The following ANKRD42 variants were observed in gnomAD, a reference collection of about 807,000 sequenced individuals.
The protein encoded by ANKRD42 is ankyrin repeat domain-containing protein 42.
A neutral mutation model predicts 51.5 loss-of-function variants in ANKRD42; 43 were observed. The ratio of observed to expected loss-of-function variants is 0.83; its 90% CI spans 0.65 to 1.08. The LOEUF (loss-of-function observed/expected upper bound fraction) is 1.08, where lower values mean the gene tolerates loss of function less well. Among genes scored for constraint, ANKRD42 ranks in the 50% least tolerant of loss-of-function variants. The probability of loss-of-function intolerance (pLI) is 0.00; values close to 1 mark genes in which losing one functional copy is unlikely to be tolerated. For missense variants in ANKRD42, 608 were observed against 629.3 expected (o/e 0.97, Z 0.36); for synonymous variants, 203 against 213.0 (o/e 0.95, Z 0.41).
At chr11:83,210,548 T>C (rs1862274370) in intron 4 of ANKRD42, 129 bp downstream of exon 4, 1 of 1,163,878 alleles carries the variant, frequency 8.6e-7, no homozygotes, top group Non-Finnish European at 1.2e-6. Context: ...TTAATTTTTC[T>C]CTCTAGCTTT....
At chr11:83,212,738 C>T (rs1043968116) in intron 5 of ANKRD42, 3 of 1,522,626 alleles carry the variant, frequency 2.0e-6, no homozygotes, top group African/African-American at 1.4e-5. Context: ...ACCTGCATGG[C>T]CTCATCTTTC....
At chr11:83,209,278 T>C in intron 3 of ANKRD42, 3 of 655,864 alleles carry the variant, frequency 4.6e-6, no homozygotes, top group Non-Finnish European at 8.4e-6. Flanking sequence ...ATCAATATTA[T>C]AAGTGTCTTC....
chr11:83,207,926 A>G (rs1862140191), intron 3 of ANKRD42, among the ~76,000 whole-genome samples: 1 of 152,254 alleles, frequency 6.6e-6, no homozygotes, highest in Admixed American at 6.5e-5. Context: ...AAAGTGCCTC[A>G]GTAATATAAT....
intron 10 of ANKRD42, among the ~76,000 whole-genome samples, chr11:83,247,205 T>A (rs1863567471): frequency 6.6e-6 from 1 of 151,972 alleles, no homozygotes; most frequent in South Asian, 2.1e-4. Flanking sequence ...TACCTCATGG[T>A]GGAAAAATTA....
Position 83,211,413 on chromosome 11 carries a change from A to G in ANKRD42, c.569A>G (p.Tyr190Cys). Residue 190 changes from tyrosine (Y) to cysteine (C), a missense_variant, in exon 5 of 11, where the codon TAC becomes TGC. Tyr to Cys is a radical substitution (Grantham distance 194). Coordinates refer to ENST00000533342, the MANE Select transcript of ANKRD42 (RefSeq NM_001300975.2). Reference sequence around the variant, plus strand: ...GGTTGTAGCATAGAAGATGTGGACTACAATGGAAACCTTCCAGGTATTTTA... The same window carrying G: ...GGTTGTAGCATAGAAGATGTGGACTGCAATGGAAACCTTCCAGGTATTTTA... ...KWGCSIEDVD[Y>C]NGNLPVHLAA... 2.5e-6 allele frequency: 4 copies of G among 1,614,154 alleles called. No homozygotes were observed. Among genetic ancestry groups the G allele is most frequent in the South Asian group, 1.1e-5 (1 of 91,052 alleles).
downstream of ANKRD42, chr11:83,260,296 T>A (rs1030566945): frequency 3.3e-5 from 5 of 152,234 alleles, no homozygotes; most frequent in African/African-American, 1.2e-4. Context: ...GGGACTAGCA[T>A]GCTGTTTGGC....
At chr11:83,234,074 T>C (rs1863159414) in intron 7 of ANKRD42, among the ~76,000 whole-genome samples, 5 of 152,244 alleles carry the variant, frequency 3.3e-5, no homozygotes, top group Admixed American at 3.3e-4. Flanking sequence ...TTGCTCTATC[T>C]CATAGGTTTT....
chr11:83,262,036 GTTATCT>G, downstream of ANKRD42: 1 of 1,092,380 alleles, frequency 9.2e-7, no homozygotes, highest in Non-Finnish European at 1.3e-6. Flanking sequence ...AGAGAATAAT[GTTATCT>G]TTAAGTGAAG....
chr11:83,198,855 A>G (rs1434556344), intron 2 of ANKRD42, among the ~76,000 whole-genome samples: 3 of 152,202 alleles, frequency 2.0e-5, no homozygotes. Context: ...ATTTATACTC[A>G]TGAACAAACC....
At chr11:83,205,960 C>A in intron 2 of ANKRD42, 98 bp from the exon 3 acceptor site, 1 of 950,690 alleles carries the variant, frequency 1.1e-6, no homozygotes, top group East Asian at 2.5e-5. Context: ...ATCTCTCATT[C>A]ACTACAGTCT....
intron 6 of ANKRD42, among the ~76,000 whole-genome samples, chr11:83,225,968 T>A (rs923877146): frequency 5.1e-4 from 78 of 152,242 alleles, no homozygotes; most frequent in African/African-American, 1.8e-3. Flanking sequence ...TTTCCCAGGC[T>A]GGTCTCAAAC....
intron 5 of ANKRD42, among the ~76,000 whole-genome samples, chr11:83,217,326 T>G (rs1212730804): frequency 6.6e-6 from 1 of 152,220 alleles, no homozygotes; most frequent in African/African-American, 2.4e-5. Flanking sequence ...ATGTAGATAA[T>G]AGCCCCAGCT....
chr11:83,194,044 A>C lies in ANKRD42; in HGVS notation c.-627A>C, dbSNP rs922565822. ...CAGTGACTTGAGAAGGGTCAGTGAA[A>C]ACCTCGGCCACTGCCGCAGCGTCTC... is the stretch of plus-strand genomic sequence containing the variant. On this transcript the variant is annotated 5_prime_UTR_variant, in exon 1 of 11. Coordinates refer to ENST00000533342, the MANE Select transcript of ANKRD42 (RefSeq NM_001300975.2). 3.3e-5 allele frequency: 15 copies of C among 456,410 alleles called. No individual in the cohort carries two copies. The highest frequency in any genetic ancestry group is 9.4e-5 in the Admixed American group (4 of 42,564). The allele number at this position is 456,410 out of a possible 1,614,324, so 28.3% of individuals were successfully genotyped here.
At chr11:83,240,573 G>A (rs1226650060) in intron 8 of ANKRD42, among the ~76,000 whole-genome samples, 186 bp from the exon 9 acceptor site, 1 of 152,198 alleles carries the variant, frequency 6.6e-6, no homozygotes, top group Admixed American at 6.5e-5. Flanking sequence ...GTAGTGCCAA[G>A]TAACTGAGTT....
intron 4 of ANKRD42, among the ~76,000 whole-genome samples, chr11:83,211,058 A>C (rs1182941490): frequency 1.3e-5 from 2 of 152,214 alleles, no homozygotes; most frequent in Non-Finnish European, 1.5e-5. Context: ...TAAGATGACT[A>C]GTTAAGTTCG....
chr11:83,261,467 A>G (rs1010306633), downstream of ANKRD42: 10 of 152,456 alleles, frequency 6.6e-5, no homozygotes, highest in African/African-American at 2.2e-4. Flanking sequence ...TTGTTGTAAT[A>G]ATCTTTCATT....
intron 1 of ANKRD42, 94 bp from the exon 2 acceptor site, chr11:83,198,385 A>G (rs1861740967): frequency 6.4e-6 from 8 of 1,258,192 alleles, no homozygotes; most frequent in Non-Finnish European, 7.6e-6. Context: ...GGAAAGCCAA[A>G]GTAATTTTGT....
At chr11:83,225,186 C>A in intron 6 of ANKRD42, 131 bp downstream of exon 6, 1 of 703,636 alleles carries the variant, frequency 1.4e-6, no homozygotes, top group Non-Finnish European at 2.2e-6. Context: ...AAAATATAAA[C>A]ATGTTTAATA....
chr11:83,219,988 C>A (rs1346987260), intron 5 of ANKRD42, among the ~76,000 whole-genome samples: 2 of 152,156 alleles, frequency 1.3e-5, no homozygotes, highest in Non-Finnish European at 2.9e-5. Flanking sequence ...GTGGGAATAA[C>A]CTTGCTTGCA....
Sources: gnomAD v4.1 joint callset for allele counts (sites outside exome capture counted in the v4.1 genomes callset) on GRCh38, gnomAD v4.1.1 for gene constraint, MANE v1.5 for transcripts, NCBI Gene and HGNC (gene_info 2026-07-23, HGNC 2026-07-21) for gene names.